LRRC9: variants seen among roughly 807,000 people sequenced by gnomAD.
LRRC9 encodes leucine rich repeat containing 9.
LRRC9 carries 122 observed loss-of-function variants against 63.2 expected under a neutral mutation model. The ratio of observed to expected loss-of-function variants is 1.93; its 90% confidence interval spans 1.67 to 2.24. The LOEUF (loss-of-function observed/expected upper bound fraction) is 2.24, where lower values mean the gene tolerates loss of function less well. LRRC9 is among the 30% of genes most tolerant of loss of function. LRRC9 has a pLI of 0.00. For synonymous variants in LRRC9, 366 were observed against 213.1 expected (o/e 1.72, Z -6.25); for missense variants, 1,071 against 627.7 (o/e 1.71, Z -7.55).
chr14:59,983,613 G>A (rs1887167195), intron 16 of LRRC9, among the ~76,000 whole-genome samples: 1 of 152,108 alleles, frequency 6.6e-6, no homozygotes, highest in Non-Finnish European at 1.5e-5. Context: ...GCTTTTGAAA[G>A]ATCCAGATGT....
At chr14:59,977,452 G>C (rs551678621) in intron 14 of LRRC9, 105 bp downstream of exon 14, 11 of 555,250 alleles carry the variant, frequency 2.0e-5, no homozygotes, top group Non-Finnish European at 2.8e-5. Flanking sequence ...AAAGTTTGTA[G>C]AATTTTCTAC....
intron 8 of LRRC9, among the ~76,000 whole-genome samples, chr14:59,946,720 T>C (rs1482010663): frequency 6.2e-5 from 9 of 146,152 alleles, no homozygotes; most frequent in East Asian, 2.0e-4. Flanking sequence ...TGTGATCTCA[T>C]TGTTCAATTC....
At chr14:60,029,864 C>T (rs219407) in intron 28 of LRRC9, among the ~76,000 whole-genome samples, 111,970 of 151,910 alleles carry the variant, frequency 0.74, 43,725 homozygotes, top group Non-Finnish European at 0.87. Context: ...TGGTATTTTC[C>T]ATTGAATTTA....
intron 29 of LRRC9, among the ~76,000 whole-genome samples, chr14:60,044,874 C>G (rs932604614): frequency 6.6e-6 from 1 of 151,974 alleles, no homozygotes; most frequent in South Asian, 2.1e-4. Context: ...TTCATGACTG[C>G]GAATGGGATA....
At position 59,960,777 on chromosome 14, in the gene LRRC9, C is replaced by A; in HGVS notation, c.1080-137C>A. Reference sequence around the variant, plus strand: ...ATAGAATGTCTTTGACATGGTTTAACTGTTAACACCAAGCTTTCTTTATCC... The same window carrying A: ...ATAGAATGTCTTTGACATGGTTTAAATGTTAACACCAAGCTTTCTTTATCC... On this transcript the variant is annotated intron_variant, in intron 9 of 31. Transcript: ENST00000445360. 8.5e-6 allele frequency: 4 copies of A among 471,640 alleles called. No homozygotes were observed. In the South Asian group the frequency reaches 1.8e-4, roughly 21 times the overall value. 29.2% of individuals were successfully genotyped at this position (471,640 alleles called of 1,614,324 possible).
intron 29 of LRRC9, among the ~76,000 whole-genome samples, chr14:60,039,853 G>C (rs1001057191): frequency 2.0e-5 from 3 of 152,130 alleles, no homozygotes; most frequent in Non-Finnish European, 4.4e-5. Flanking sequence ...TAATTGTGAT[G>C]TTAGGGTGTC....
At chr14:60,057,970 T>C (rs1894405343) in exon 31 of LRRC9, 1 of 680,208 alleles carries the variant, frequency 1.5e-6, no homozygotes, top group Non-Finnish European at 2.7e-6. Flanking sequence ...TTCTGCCTAG[T>C]GGATTCAGCC....
chr14:60,034,007 T>TTTTCTTTC (rs1489487826), intron 29 of LRRC9, among the ~76,000 whole-genome samples: 7 of 90,330 alleles, frequency 7.7e-5, no homozygotes, highest in African/African-American at 1.0e-4. Context: ...TTATGTAATT[T>TTTTCTTTC]TTTCTTTCTT....
At chr14:59,943,682 T>C (rs561079361) in intron 7 of LRRC9, among the ~76,000 whole-genome samples, 1 of 152,214 alleles carries the variant, frequency 6.6e-6, no homozygotes, top group South Asian at 2.1e-4. Flanking sequence ...TACTTCATAA[T>C]ATGCATGGGG....
intron 27 of LRRC9, among the ~76,000 whole-genome samples, chr14:60,025,184 G>T (rs1368009577): frequency 6.6e-6 from 1 of 151,710 alleles, no homozygotes; most frequent in Middle Eastern, 3.2e-3. Context: ...TCAACCTCCG[G>T]AGCCCAAGTA....
rs1887914503 is a variant in LRRC9, at chr14:59,990,107, A to G, written c.2211+4883A>G. ...CACACCCAGCTAACTTTGTATTTTTAGCAGAGATGAGGTTTCTCCGTGTTG... is the reference window on the plus strand; with the variant it reads ...CACACCCAGCTAACTTTGTATTTTTGGCAGAGATGAGGTTTCTCCGTGTTG... On this transcript the variant is annotated intron_variant, in intron 17 of 31. Transcript: ENST00000445360. This position sits in a 1 kb window ranked among gnomAD's most constrained non-coding sequence, Gnocchi z 4.2. 6.6e-6 allele frequency among the ~76,000 whole-genome samples: 1 copy of G among 151,982 alleles called. No individual in the cohort carries two copies. The highest frequency in any genetic ancestry group is 1.5e-5 in the Non-Finnish European group (1 of 67,998).
chr14:60,044,550 G>GTTTAAATTTTT, intron 29 of LRRC9, among the ~76,000 whole-genome samples: 1 of 152,014 alleles, frequency 6.6e-6, no homozygotes, highest in South Asian at 2.1e-4. Context: ...TTGACCCACT[G>GTTTAAATTTTT]GTCATTCAGG....
intron 29 of LRRC9, among the ~76,000 whole-genome samples, chr14:60,038,505 GGT>G (rs1340600766): frequency 2.6e-4 from 40 of 152,140 alleles, no homozygotes; most frequent in African/African-American, 9.2e-4. Context: ...TAGATTCCTA[GGT>G]ATTTTATTTT....
At chr14:60,038,878 A>G (rs1450679771) in intron 29 of LRRC9, among the ~76,000 whole-genome samples, 1 of 152,194 alleles carries the variant, frequency 6.6e-6, no homozygotes, top group Non-Finnish European at 1.5e-5. Context: ...GATTTTGCCC[A>G]TTCAGTATGA....
At chr14:60,002,151 T>C in intron 20 of LRRC9, 51 bp downstream of exon 20, 1 of 658,654 alleles carries the variant, frequency 1.5e-6, no homozygotes. Context: ...TAAATCTATT[T>C]TTAAGTCAGT....
chr14:60,026,239 A>G (rs1209406409), intron 27 of LRRC9, among the ~76,000 whole-genome samples: 1 of 152,096 alleles, frequency 6.6e-6, no homozygotes, highest in South Asian at 2.1e-4. Context: ...AGAGCTTTGA[A>G]GACATTCTAC....
Position 59,942,465 on chromosome 14 carries a change from C to T in LRRC9, c.727-2124C>T, listed in dbSNP as rs542347509. 2.0e-4 allele frequency among the ~76,000 whole-genome samples: 30 copies of T among 152,236 alleles called. No homozygotes were observed. Among genetic ancestry groups the T allele is most frequent in the African/African-American group, 6.3e-4 (26 of 41,542 alleles). On this transcript the variant is annotated intron_variant, in intron 7 of 31. Transcript: ENST00000445360. This position sits in a 1 kb window ranked among gnomAD's most constrained non-coding sequence, Gnocchi z 5.3. ...TACTAATTTACATTTCTACTACCAG[C>T]GTATGAGAGTTCCGTTTTCTGGGCC...
chr14:60,016,150 G>T (rs949524194), intron 23 of LRRC9, among the ~76,000 whole-genome samples: 11 of 151,902 alleles, frequency 7.2e-5, no homozygotes, highest in African/African-American at 2.4e-4. Context: ...GTACCTACCT[G>T]GTCTGCCTTC....
chr14:59,928,213 T>C (rs1174745740), intron 2 of LRRC9, 55 bp from the exon 3 acceptor site: 1 of 565,950 alleles, frequency 1.8e-6, no homozygotes, highest in Non-Finnish European at 3.1e-6. Context: ...ATGGTAAAAG[T>C]CATCTTTTAA....
Sources: allele counts gnomAD v4.1 joint callset (sites outside exome capture counted in the v4.1 genomes callset), GRCh38; gene constraint gnomAD v4.1.1; non-coding constraint Gnocchi (gnomAD v3.1); transcripts MANE v1.5; gene names NCBI Gene and HGNC (gene_info 2026-07-23, HGNC 2026-07-21).